PCM1: variants seen among roughly 807,000 people sequenced by gnomAD.
The protein encoded by PCM1 is pericentriolar material 1.
Under a neutral mutation model 241.9 loss-of-function variants are expected in PCM1, and 157 were observed. The observed-to-expected ratio is 0.65, with a 90% CI of 0.57 to 0.74. The LOEUF is 0.74. Among genes scored for constraint, PCM1 ranks in the 30% least tolerant of loss-of-function variants. PCM1 has a pLI of 0.00. For synonymous variants in PCM1, 1,085 were observed against 784.9 expected, an observed-to-expected ratio of 1.38 and a Z score of -6.39; for missense variants, 3,478 against 2,360.1, an observed-to-expected ratio of 1.47 and a Z score of -9.81.
chr8:17,971,548 G>T (rs960301089), intron 22 of PCM1, among the ~76,000 whole-genome samples: 5 of 152,200 alleles, frequency 3.3e-5, no homozygotes, highest in African/African-American at 1.2e-4. Context: ...TAGACTAATA[G>T]AACTACGGAC....
intron 29 of PCM1, among the ~76,000 whole-genome samples, chr8:18,000,434 G>A (rs1307731999): frequency 1.3e-5 from 2 of 152,152 alleles, no homozygotes; most frequent in Non-Finnish European, 2.9e-5. Flanking sequence ...GAGATCAGAA[G>A]AGAAATGATA....
intron 29 of PCM1, among the ~76,000 whole-genome samples, chr8:18,005,851 C>A (rs1336371454): frequency 6.6e-6 from 1 of 151,928 alleles, no homozygotes; most frequent in East Asian, 1.9e-4. Flanking sequence ...GGTTGAGAAA[C>A]CCTGAGTTAG....
chr8:17,951,678 G>A (rs1393974442), intron 8 of PCM1, among the ~76,000 whole-genome samples: 2 of 152,118 alleles, frequency 1.3e-5, no homozygotes, highest in African/African-American at 2.4e-5. Context: ...TGTATACATA[G>A]GCATTAGAAA....
chr8:18,013,887 A>G, intron 34 of PCM1, 77 bp from the exon 35 acceptor site: 3 of 830,016 alleles, frequency 3.6e-6, no homozygotes, highest in Non-Finnish European at 5.7e-6. Context: ...TTGGACAAAA[A>G]CTACACACTA....
intron 36 of PCM1, 130 bp downstream of exon 36, chr8:18,014,970 T>C (rs1413958376): frequency 2.6e-6 from 2 of 758,298 alleles, no homozygotes; most frequent in Non-Finnish European, 4.1e-6. Flanking sequence ...AACATTTTTC[T>C]AATTCACACT....
intron 3 of PCM1, among the ~76,000 whole-genome samples, chr8:17,936,244 C>T (rs981887823): frequency 2.6e-5 from 4 of 152,036 alleles, no homozygotes; most frequent in African/African-American, 9.7e-5. Flanking sequence ...TTTCAGTCTT[C>T]TGTGGCGAGG....
At position 17,957,282 on chromosome 8, in the gene PCM1, C is replaced by T; in HGVS notation, c.1665C>T (p.Ser555=). The T allele has an allele frequency of 6.3e-7, 1 of 1,591,876 alleles. No individual in the cohort carries two copies. ...VTNIRNPQVA[S]TWNEVNSHSN... Reference sequence around the variant, plus strand: ...CTTCTAGAAATCCACAAGTAGCTTCCACTTGGAATGAAGTAAATAGTCATA... The same window carrying T: ...CTTCTAGAAATCCACAAGTAGCTTCTACTTGGAATGAAGTAAATAGTCATA... The change falls in exon 12 of 39, where the codon TCC becomes TCT. Residue 555 remains serine (S), a synonymous_variant. Coordinates refer to ENST00000325083, the MANE Select transcript of PCM1 (RefSeq NM_006197.4).
Position 18,021,887 on chromosome 8 carries a change from G to T in PCM1, c.5842-3474G>T, listed in dbSNP as rs757481392. Reference sequence around the variant, plus strand: ...CACCTGTATTTGTTAGCTCTGAAATGACTCAATACTCTAAGACCTTAATGG... The same window carrying T: ...CACCTGTATTTGTTAGCTCTGAAATTACTCAATACTCTAAGACCTTAATGG... On this transcript the variant is annotated intron_variant, in intron 36 of 38. Coordinates refer to ENST00000325083, the MANE Select transcript of PCM1 (RefSeq NM_006197.4). Among the ~76,000 whole-genome samples, 77 of 152,142 alleles carry T rather than the reference G, an allele frequency of 5.1e-4. 1 individual carries two copies. The highest frequency in any genetic ancestry group is 1.2e-4 in the Non-Finnish European group (8 of 68,028).
intron 2 of PCM1, among the ~76,000 whole-genome samples, chr8:17,934,340 CA>C (rs1289889043): frequency 1.3e-5 from 2 of 151,600 alleles, no homozygotes; most frequent in African/African-American, 4.9e-5. Context: ...CGGCTCACTG[CA>C]ACCTTGGCTT....
chr8:18,011,545 C>T (rs2092511322), intron 33 of PCM1, 122 bp from the exon 34 acceptor site: 2 of 1,088,840 alleles, frequency 1.8e-6, no homozygotes, highest in Non-Finnish European at 1.3e-6. Flanking sequence ...TTAATACATT[C>T]TGTTTGAGGA....
intron 2 of PCM1, among the ~76,000 whole-genome samples, chr8:17,929,997 A>G (rs1300598205): frequency 6.6e-6 from 1 of 152,100 alleles, no homozygotes; most frequent in African/African-American, 2.4e-5. Flanking sequence ...AAAACTGCAG[A>G]TAAGGTGGGG....
chr8:17,990,150 T>C lies in PCM1; in HGVS notation c.4531+171T>C, dbSNP rs116526044. 1.5e-3 allele frequency among the ~76,000 whole-genome samples: 222 copies of C among 152,238 alleles called. 1 individual carries two copies. Among genetic ancestry groups the C allele is most frequent in the African/African-American group, 5.1e-3 (212 of 41,574 alleles). On this transcript the variant is annotated intron_variant, in intron 27 of 38. Coordinates refer to ENST00000325083, the MANE Select transcript of PCM1 (RefSeq NM_006197.4). The stretch of plus-strand genomic sequence containing the variant: ...TCAAGAATCTTCTGACTCTTAACCC[T>C]GTGAGCAAATCATCCAACATTTTTG...
At chr8:17,959,244 A>G (rs1324286304) in intron 13 of PCM1, among the ~76,000 whole-genome samples, 1 of 152,036 alleles carries the variant, frequency 6.6e-6, no homozygotes, top group African/African-American at 2.4e-5. Flanking sequence ...GAGAACTTTC[A>G]TGTCAGTATA....
At position 17,980,703 on chromosome 8, in the gene PCM1, T is replaced by C. The variant is rs1233698072; in HGVS notation, c.4056T>C (p.His1352=). 3 of 1,612,922 alleles carry C rather than the reference T, an allele frequency of 1.9e-6. No homozygotes were observed. Among genetic ancestry groups the C allele is most frequent in the South Asian group, 1.1e-5 (1 of 91,050 alleles). The change falls in exon 24 of 39, where the codon CAT becomes CAC. Residue 1352 remains histidine (H), a synonymous_variant. Coordinates refer to ENST00000325083, the MANE Select transcript of PCM1 (RefSeq NM_006197.4). ...CAAAAGTATTCAGCAGAAAGAATCA[T>C]GAGCAACTGGAAAAAATAATAAAAT... The part of the protein sequence containing the change: ...VQAKVFSRKN[H]EQLEKIIKCN...
intron 24 of PCM1, among the ~76,000 whole-genome samples, chr8:17,984,125 T>C (rs1410642985): frequency 6.6e-6 from 1 of 152,138 alleles, no homozygotes; most frequent in Non-Finnish European, 1.5e-5. Context: ...TTAAATGGCA[T>C]ATTCATTATT....
At position 17,957,748 on chromosome 8, in the gene PCM1, G is replaced by C. The variant is rs1198759189; in HGVS notation, c.2013G>C (p.Gln671His). Residue 671 changes from glutamine to histidine, a missense_variant, in exon 13 of 39, where the codon CAG becomes CAC. Transcript: ENST00000325083. ...TGGCTGCAAAACAGAAACTTAGACA[G>C]TTACAAGATCTTGTTGCTATGGTAC... ...RLMAAKQKLRQLQDLVAMVQD... is the reference protein window; with the variant it reads ...RLMAAKQKLRHLQDLVAMVQD... 1 of 1,613,070 alleles carries C rather than the reference G, an allele frequency of 6.2e-7. No individual in the cohort carries two copies. The highest frequency in any genetic ancestry group is 8.5e-7 in the Non-Finnish European group (1 of 1,179,300).
chr8:17,932,561 G>T lies in PCM1; in HGVS notation c.-22-3028G>T, dbSNP rs541066874. 2.6e-4 allele frequency among the ~76,000 whole-genome samples: 40 copies of T among 151,256 alleles called. No homozygotes were observed. The East Asian group carries it at 6.2e-3, about 23-fold the overall frequency. ...TACTTGTTTTGCTTATATTTCTCCG[G>T]TTTTATTTTTTTAAAACAAATTCTC... On this transcript the variant is annotated intron_variant, in intron 2 of 38. Coordinates refer to ENST00000325083, the MANE Select transcript of PCM1 (RefSeq NM_006197.4).
intron 6 of PCM1, among the ~76,000 whole-genome samples, chr8:17,940,427 T>C (rs1486466530): frequency 6.6e-6 from 1 of 152,242 alleles, no homozygotes; most frequent in Non-Finnish European, 1.5e-5. Flanking sequence ...TAGTTTGTTT[T>C]GTTAAGCAAA....
chr8:17,927,124 A>ATTTTTTTTTTTTTTTTTTTTTTTTTTTTT (rs77247841), intron 2 of PCM1: 8 of 130,436 alleles, frequency 6.1e-5, no homozygotes, highest in Admixed American at 1.5e-4. Context: ...GATCACTTTG[A>ATTTTTTTTTTTTTTTTTTTTTTTTTTTTT]TTTTTTTTTT....
Sources: gnomAD v4.1 joint callset for allele counts (sites outside exome capture counted in the v4.1 genomes callset) on GRCh38, gnomAD v4.1.1 for gene constraint, MANE v1.5 for transcripts, NCBI Gene and HGNC (gene_info 2026-07-23, HGNC 2026-07-21) for gene names.